The following MAGI2 variants were observed in gnomAD, a reference collection of about 807,000 sequenced individuals.
The protein encoded by MAGI2 is membrane associated guanylate kinase, WW and PDZ domain containing 2, also known as membrane-associated guanylate kinase, WW and PDZ domain-containing protein 2.
MAGI2 carries 35 observed loss-of-function variants against 133.3 expected under a neutral mutation model. That is an observed-to-expected ratio of 0.26 (90% CI 0.20 to 0.35). The LOEUF (loss-of-function observed/expected upper bound fraction) is 0.35. Ranked by LOEUF, MAGI2 falls within the 10% of genes least tolerant of loss-of-function variation. The pLI is 1.00. For synonymous variants in MAGI2, 729 were observed against 710.6 expected, an observed-to-expected ratio of 1.03 and a Z score of -0.41; for missense variants, 1,636 against 1,863.4, an observed-to-expected ratio of 0.88 and a Z score of 2.25.
intron 2 of MAGI2, among the ~76,000 whole-genome samples, chr7:78,778,934 T>A (rs1350042798): frequency 2.2e-5 from 3 of 134,916 alleles, no homozygotes; most frequent in Admixed American, 1.7e-4. Flanking sequence ...TGAGATGGAG[T>A]CTTGCTCTGT....
At chr7:79,359,669 A>AACACAC (rs59414419) in intron 1 of MAGI2, among the ~76,000 whole-genome samples, 1,846 of 140,090 alleles carry the variant, frequency 0.013, 21 homozygotes, top group Middle Eastern at 0.028. Context: ...TCAAGTGGGA[A>AACACAC]ACACACACAC....
intron 21 of MAGI2, among the ~76,000 whole-genome samples, chr7:78,024,869 C>G (rs769877912): frequency 5.5e-4 from 84 of 152,158 alleles, no homozygotes; most frequent in Non-Finnish European, 1.1e-3. Flanking sequence ...GCCTGCCAAG[C>G]TATCATTTCT....
chr7:78,125,616 T>G, intron 20 of MAGI2, 78 bp downstream of exon 20: 1 of 1,466,110 alleles, frequency 6.8e-7, no homozygotes, highest in Non-Finnish European at 9.3e-7. Context: ...CTTGACAGCA[T>G]GCTTCAGTAC....
At chr7:78,666,670 A>C (rs1224856023) in intron 2 of MAGI2, among the ~76,000 whole-genome samples, 1 of 152,222 alleles carries the variant, frequency 6.6e-6, no homozygotes, top group Non-Finnish European at 1.5e-5. Flanking sequence ...GATCATCCAA[A>C]GTATGAGGGA....
At chr7:79,359,669 AACACACACACAC>A (rs59414419) in intron 1 of MAGI2, among the ~76,000 whole-genome samples, 17,154 of 140,056 alleles carry the variant, frequency 0.12, 1,085 homozygotes, top group African/African-American at 0.16. Context: ...TCAAGTGGGA[AACACACACACAC>A]ACACACACAC....
At chr7:79,128,518 A>G (rs945107507) in intron 1 of MAGI2, among the ~76,000 whole-genome samples, 3 of 152,186 alleles carry the variant, frequency 2.0e-5, no homozygotes, top group Non-Finnish European at 4.4e-5. Flanking sequence ...ACTAACTTGT[A>G]TCATCATCCT....
intron 6 of MAGI2, among the ~76,000 whole-genome samples, chr7:78,396,507 T>G (rs1018154743): frequency 3.9e-5 from 6 of 152,184 alleles, no homozygotes; most frequent in Admixed American, 2.6e-4. Flanking sequence ...CATTCAAATC[T>G]CCTTTCACAT....
chr7:78,804,487 G>A (rs907209312), intron 2 of MAGI2, among the ~76,000 whole-genome samples: 8 of 151,080 alleles, frequency 5.3e-5, no homozygotes, highest in Non-Finnish European at 1.0e-4. Flanking sequence ...GGTGGCTCAC[G>A]CCTGTAATCC....
intron 6 of MAGI2, among the ~76,000 whole-genome samples, chr7:78,416,029 T>C (rs1179235493): frequency 6.6e-6 from 1 of 152,078 alleles, no homozygotes; most frequent in African/African-American, 2.4e-5. Context: ...AAGAATGGAC[T>C]GTACAGGTTG....
intron 1 of MAGI2, among the ~76,000 whole-genome samples, chr7:79,021,338 G>T (rs1220739714): frequency 6.6e-6 from 1 of 152,170 alleles, no homozygotes; most frequent in Non-Finnish European, 1.5e-5. Context: ...GATCCACACA[G>T]ATTGCACTAT....
intron 6 of MAGI2, among the ~76,000 whole-genome samples, chr7:78,431,379 T>C (rs966109782): frequency 3.3e-5 from 5 of 152,038 alleles, no homozygotes; most frequent in African/African-American, 4.8e-5. Context: ...AAAGCAGTGG[T>C]TGGTAACTCA....
intron 2 of MAGI2, among the ~76,000 whole-genome samples, chr7:78,856,667 G>A (rs1156643144): frequency 6.6e-6 from 1 of 152,146 alleles, no homozygotes; most frequent in Non-Finnish European, 1.5e-5. Context: ...TTGTAGTATA[G>A]TTTGAATTCA....
chr7:78,563,963 A>G (rs1168338374), intron 3 of MAGI2, among the ~76,000 whole-genome samples: 1 of 152,216 alleles, frequency 6.6e-6, no homozygotes, highest in African/African-American at 2.4e-5. Context: ...ATTGGATTAG[A>G]TCAAAGTCAT....
intron 1 of MAGI2, among the ~76,000 whole-genome samples, chr7:79,139,546 C>G (rs1003885559): frequency 2.0e-5 from 3 of 152,204 alleles, no homozygotes; most frequent in African/African-American, 7.2e-5. Context: ...TTACTGAACT[C>G]CAGCTATGTG....
chr7:78,385,967 A>G (rs1229046460), intron 6 of MAGI2, among the ~76,000 whole-genome samples: 1 of 129,544 alleles, frequency 7.7e-6, no homozygotes, highest in Non-Finnish European at 1.6e-5. Flanking sequence ...TAAAAACCCT[A>G]ATTTTCCTGA....
chr7:78,436,386 T>G (rs562414310), intron 6 of MAGI2, among the ~76,000 whole-genome samples: 1 of 152,226 alleles, frequency 6.6e-6, no homozygotes, highest in East Asian at 1.9e-4. Context: ...AGAAAACATT[T>G]TAATGAGGAG....
intron 1 of MAGI2, among the ~76,000 whole-genome samples, chr7:79,391,679 GTTTGTTTGTTTGTT>G (rs1361489579): frequency 1.3e-5 from 2 of 150,320 alleles, no homozygotes; most frequent in African/African-American, 4.9e-5. Context: ...GGTGTTTTTT[GTTTGTTTGTTTGTT>G]TTTGTTTGTT....
chr7:78,376,315 T>A (rs1155399), intron 6 of MAGI2, among the ~76,000 whole-genome samples: 124,283 of 152,104 alleles, frequency 0.82, 50,897 homozygotes, highest in Admixed American at 0.85. Flanking sequence ...TTCTCAGATA[T>A]TGCCTACATG....
intron 10 of MAGI2, among the ~76,000 whole-genome samples, chr7:78,210,106 T>TA (rs1787624731): frequency 6.6e-6 from 1 of 152,202 alleles, no homozygotes; most frequent in Non-Finnish European, 1.5e-5. Context: ...TAATTATATT[T>TA]ATTAGATCAT....
Sources: allele counts gnomAD v4.1 joint callset (sites outside exome capture counted in the v4.1 genomes callset), GRCh38; gene constraint gnomAD v4.1.1; transcripts MANE v1.5; gene names NCBI Gene and HGNC (gene_info 2026-07-23, HGNC 2026-07-21).